Variants in USP31 observed in about 807,000 individuals in gnomAD.
USP31 encodes the protein ubiquitin specific peptidase 31, also known as ubiquitin carboxyl-terminal hydrolase 31.
Under a neutral mutation model 119.4 loss-of-function variants are expected in USP31, and 44 were observed. The observed-to-expected ratio is 0.37, with a 90% CI of 0.29 to 0.47. USP31 has a LOEUF of 0.47. Ranked by LOEUF, USP31 falls within the 20% of genes least tolerant of loss-of-function variation. The probability of loss-of-function intolerance (pLI) is 0.99; values close to 1 mark genes in which losing one functional copy is unlikely to be tolerated. For synonymous variants in USP31, 749 were observed against 705.6 expected, an observed-to-expected ratio of 1.06 and a Z score of -0.97; for missense variants, 1,643 against 1,730.2, an observed-to-expected ratio of 0.95 and a Z score of 0.89.
Position 23,084,842 on chromosome 16 carries a change from T to C in USP31, c.1830+18A>G. ...CCCACTGCCCTGAGCAACCAAGAAA[T>C]GCTGCCCAGTCTCTTACCCGCTCCT... On this transcript the variant is annotated intron_variant, in intron 11 of 15. Coordinates refer to ENST00000219689, the MANE Select transcript of USP31 (RefSeq NM_020718.4). 1 of 1,613,422 alleles carries C rather than the reference T, an allele frequency of 6.2e-7. No individual in the cohort carries two copies. The highest frequency in any genetic ancestry group is 2.2e-5 in the East Asian group (1 of 44,868).
intron 6 of USP31, among the ~76,000 whole-genome samples, chr16:23,101,824 C>T (rs981683164): frequency 3.3e-5 from 5 of 151,940 alleles, no homozygotes; most frequent in African/African-American, 1.2e-4. Context: ...CAGCCCAAAC[C>T]GCAGTAAGAG....
chr16:23,075,695 G>A (rs1157975216), intron 13 of USP31, among the ~76,000 whole-genome samples: 1 of 152,180 alleles, frequency 6.6e-6, no homozygotes, highest in Non-Finnish European at 1.5e-5. Flanking sequence ...CATCACAGAT[G>A]GTGTGAGAGG....
chr16:23,133,460 C>T (rs371939579), intron 1 of USP31, among the ~76,000 whole-genome samples: 7 of 152,116 alleles, frequency 4.6e-5, no homozygotes, highest in African/African-American at 1.2e-4. Flanking sequence ...TGGGGGGAGA[C>T]GGCAATGGAT....
At position 23,148,893 on chromosome 16, in the gene USP31, G is replaced by A. The variant is rs760218988; in HGVS notation, c.378C>T (p.Gly126=). ...TGCCGTGGTTGCGGAGCCCCGCCAC[G>A]CCGGGCACCGGCTCGGCGGCGCAAG... The part of the protein sequence containing the change: ...PPACAAEPVP[G]VAGLRNHGNT... Residue 126 remains glycine (G), a synonymous_variant, in exon 1 of 16, where the codon GGC becomes GGT. Coordinates refer to ENST00000219689, the MANE Select transcript of USP31 (RefSeq NM_020718.4). 1.1e-4 allele frequency: 164 copies of A among 1,448,238 alleles called. 1 individual carries two copies. The Middle Eastern group carries it at 2.7e-3, about 24-fold the overall frequency. 89.7% of individuals were successfully genotyped at this position (1,448,238 alleles called of 1,614,324 possible). A position where few individuals can be genotyped will look rare whatever the true frequency, so the allele number is the denominator to read the frequency against.
In USP31 at chr16:23,082,509, G is replaced by C. The variant is rs764683466; in HGVS notation, c.1879C>G (p.Gln627Glu). The C allele has an allele frequency of 4.3e-6, 7 of 1,614,216 alleles. No individual in the cohort carries two copies. Among genetic ancestry groups the C allele is most frequent in the Non-Finnish European group, 5.9e-6 (7 of 1,180,042 alleles). The change falls in exon 12 of 16, where the codon CAG becomes GAG. Residue 627 changes from glutamine to glutamate, a missense_variant. Physicochemically the swap from Gln to Glu is conservative, Grantham distance 29. This residue lies in a region of USP31 where 279 missense variants were observed against 372.2 expected (regional missense o/e 0.75). Transcript: ENST00000219689. ...WRCPHCKQLQ[Q>E]GSITLSLWTL... ...CAGAGGCTTAACGTAATGCTTCCCT[G>C]CTGCAGCTGCTTACAGTGTGGGCAA... is the stretch of plus-strand genomic sequence containing the variant.
intron 1 of USP31, among the ~76,000 whole-genome samples, chr16:23,122,911 A>G (rs1902722053): frequency 6.6e-6 from 1 of 152,222 alleles, no homozygotes. Context: ...CGAACTGTAC[A>G]CTAAATGGAT....
At chr16:23,092,470 A>C (rs1451209533) in intron 6 of USP31, among the ~76,000 whole-genome samples, 1 of 152,218 alleles carries the variant, frequency 6.6e-6, no homozygotes, top group African/African-American at 2.4e-5. Context: ...GACAGAGAAG[A>C]AAACAAATCA....
At chr16:23,095,152 A>T (rs887823922) in intron 6 of USP31, among the ~76,000 whole-genome samples, 1 of 152,240 alleles carries the variant, frequency 6.6e-6, no homozygotes, top group Admixed American at 6.5e-5. Flanking sequence ...AAGAGCTTAA[A>T]TGACCTGATG....
intron 11 of USP31, among the ~76,000 whole-genome samples, chr16:23,083,202 CCTG>C (rs1900916894): frequency 6.6e-6 from 1 of 152,174 alleles, no homozygotes; most frequent in Non-Finnish European, 1.5e-5. Flanking sequence ...AGATGGAGTA[CCTG>C]CTCTCATGGA....
chr16:23,093,549 G>A (rs1008925133), intron 6 of USP31, among the ~76,000 whole-genome samples: 2 of 152,176 alleles, frequency 1.3e-5, no homozygotes, highest in Non-Finnish European at 2.9e-5. Context: ...GCAAAGATGT[G>A]GAGAAATTAG....
At chr16:23,110,724 A>G (rs926298563) in intron 1 of USP31, among the ~76,000 whole-genome samples, 3 of 152,190 alleles carry the variant, frequency 2.0e-5, no homozygotes, top group Admixed American at 6.5e-5. Context: ...TAAAATGGAT[A>G]ATAATGACTC....
intron 1 of USP31, among the ~76,000 whole-genome samples, chr16:23,115,258 T>A (rs894480374): frequency 6.6e-6 from 1 of 152,260 alleles, no homozygotes; most frequent in Non-Finnish European, 1.5e-5. Flanking sequence ...CCTAAATTAA[T>A]CTTTCTGTAT....
At chr16:23,071,662 G>GT (rs1298529541) in intron 15 of USP31, among the ~76,000 whole-genome samples, 2 of 151,930 alleles carry the variant, frequency 1.3e-5, no homozygotes, top group African/African-American at 4.8e-5. Context: ...TGCCAAGCCT[G>GT]GAGCCGACTC....
At chr16:23,142,955 G>A (rs1319963802) in intron 1 of USP31, among the ~76,000 whole-genome samples, 1 of 152,178 alleles carries the variant, frequency 6.6e-6, no homozygotes, top group Non-Finnish European at 1.5e-5. Context: ...TGTGTACCAT[G>A]GGTTTGCAGC....
Position 23,068,878 on chromosome 16 carries a change from T to A in USP31, c.3227A>T (p.Lys1076Ile). The A allele has an allele frequency of 6.3e-7, 1 of 1,592,852 alleles. No individual in the cohort carries two copies. The part of the protein sequence containing the change: ...VSLKPSRSRS[K>I]ADSSSRGSGR... ...ACTGCCCCTGGAAGAAGAATCTGCT[T>A]TGCTGCGGGAGCGGGAGGGCTTTAG... The change falls in exon 16 of 16, where the codon AAA becomes ATA. Residue 1076 changes from lysine (K) to isoleucine (I), a missense_variant. Transcript: ENST00000219689.
chr16:23,092,674 T>C (rs974016207), intron 6 of USP31, among the ~76,000 whole-genome samples: 1 of 151,948 alleles, frequency 6.6e-6, no homozygotes, highest in Non-Finnish European at 1.5e-5. Context: ...ACGTAACAAC[T>C]GGAAAAGAAA....
At chr16:23,131,133 A>G (rs1178862375) in intron 1 of USP31, among the ~76,000 whole-genome samples, 3 of 152,038 alleles carry the variant, frequency 2.0e-5, no homozygotes, top group Non-Finnish European at 4.4e-5. Flanking sequence ...AACATACCCC[A>G]TCTCACAAAA....
chr16:23,124,795 A>G (rs1902793503), intron 1 of USP31, among the ~76,000 whole-genome samples: 1 of 152,194 alleles, frequency 6.6e-6, no homozygotes, highest in South Asian at 2.1e-4. Context: ...AGGCTGAGGC[A>G]GGAGAATTGC....
chr16:23,101,503 T>C (rs1901855715), intron 6 of USP31, among the ~76,000 whole-genome samples: 1 of 152,118 alleles, frequency 6.6e-6, no homozygotes. Flanking sequence ...AATCAAGGCG[T>C]GGAAAATCCT....
Sources: gnomAD v4.1 joint callset for allele counts (sites outside exome capture counted in the v4.1 genomes callset) on GRCh38, gnomAD v4.1.1 for gene constraint, gnomAD v4.1.1 regional missense constraint, MANE v1.5 for transcripts, NCBI Gene and HGNC (gene_info 2026-07-23, HGNC 2026-07-21) for gene names.